The following TRIM58 variants were observed in gnomAD, a reference collection of about 807,000 sequenced individuals.
TRIM58 encodes tripartite motif containing 58.
Under a neutral mutation model 34.1 loss-of-function variants are expected in TRIM58, and 38 were observed. That is an observed-to-expected ratio of 1.12 (90% CI 0.86 to 1.46). TRIM58 has a LOEUF of 1.46. Ranked by LOEUF, TRIM58 falls within the 40% of genes most tolerant of loss-of-function variation. The pLI is 0.00. For synonymous variants in TRIM58, 273 were observed against 275.7 expected, an observed-to-expected ratio of 0.99 and a Z score of 0.10; for missense variants, 677 against 642.0, an observed-to-expected ratio of 1.05 and a Z score of -0.59.
At chr1:247,867,740 T>C in intron 3 of TRIM58, 105 bp from the exon 4 acceptor site, 1 of 1,247,008 alleles carries the variant, frequency 8.0e-7, no homozygotes. Context: ...TTTATCTCAA[T>C]AATGTTTTGC....
intron 1 of TRIM58, 131 bp downstream of exon 1, chr1:247,857,797 C>G: frequency 1.7e-6 from 2 of 1,143,792 alleles, no homozygotes; most frequent in East Asian, 7.5e-5. Context: ...CGCGCGCCGT[C>G]CCCCCCGCCC....
chr1:247,868,961 G>A (rs12562065), intron 5 of TRIM58, among the ~76,000 whole-genome samples: 64,469 of 151,820 alleles, frequency 0.42, 14,371 homozygotes, highest in African/African-American at 0.56. Flanking sequence ...GTGCAGTGGC[G>A]CCATCTCAGC....
intron 1 of TRIM58, 79 bp downstream of exon 1, chr1:247,857,745 G>T (rs1418344714): frequency 8.4e-7 from 1 of 1,197,312 alleles, no homozygotes; most frequent in African/African-American, 1.6e-5. Context: ...AGCCGCCGAG[G>T]CCACCCGTCT....
In TRIM58 at chr1:247,860,729, G is replaced by T. The variant is rs745424454; in HGVS notation, c.516+17G>T. 3.8e-6 allele frequency: 6 copies of T among 1,572,450 alleles called. No individual in the cohort carries two copies. The South Asian group carries it at 5.6e-5, about 15-fold the overall frequency. On this transcript the variant is annotated intron_variant, in intron 2 of 5. Transcript: ENST00000366481. The stretch of plus-strand genomic sequence containing the variant: ...ATTTGGAAGGTAAGACCATGTTGGG[G>T]CTTTAGGAGGCTTGCCTGTTTGAAG...
At chr1:247,862,314 A>G (rs557739412) in intron 2 of TRIM58, among the ~76,000 whole-genome samples, 9 of 152,232 alleles carry the variant, frequency 5.9e-5, no homozygotes, top group Non-Finnish European at 1.0e-4. Context: ...AAACTTATCA[A>G]TATTATTAAC....
At position 247,864,929 on chromosome 1, in the gene TRIM58, G is replaced by T; in HGVS notation, c.741G>T (p.Leu247=). 1 of 1,572,272 alleles carries T rather than the reference G, an allele frequency of 6.4e-7. No homozygotes were observed. Among genetic ancestry groups the T allele is most frequent in the Non-Finnish European group, 8.6e-7 (1 of 1,158,836 alleles). ...GGTGCCAGCGCCCGGCCCTGGGTCT[G>T]CTGGAGGTGAGGCCGGGTGCCAGAA... The part of the protein sequence containing the change: ...QERCQRPALG[L]LEGVRGVLSR... The change falls in exon 3 of 6, where the codon CTG becomes CTT. Residue 247 remains leucine (L), a synonymous_variant. Coordinates refer to ENST00000366481, the MANE Select transcript of TRIM58 (RefSeq NM_015431.4).
intron 5 of TRIM58, among the ~76,000 whole-genome samples, chr1:247,869,376 G>A (rs1664007624): frequency 6.6e-6 from 1 of 152,128 alleles, no homozygotes; most frequent in South Asian, 2.1e-4. Context: ...TGGTTCCCCT[G>A]GCAACCACAC....
Position 247,873,640 on chromosome 1 carries a change from C to T in TRIM58, c.872-2260C>T, listed in dbSNP as rs998778145. Among the ~76,000 whole-genome samples the T allele has an allele frequency of 1.5e-4, 23 of 152,140 alleles. No homozygotes were observed. In the South Asian group the frequency reaches 1.7e-3, roughly 11 times the overall value. ...GTTACATAATAAAAATAATGCAATG[C>T]GCAGTTACGTGACCACTCAGGTTGG... On this transcript the variant is annotated intron_variant, in intron 5 of 5. Coordinates refer to ENST00000366481, the MANE Select transcript of TRIM58 (RefSeq NM_015431.4).
intron 5 of TRIM58, among the ~76,000 whole-genome samples, chr1:247,874,978 C>T (rs1480579144): frequency 1.3e-5 from 2 of 152,178 alleles, no homozygotes; most frequent in Non-Finnish European, 2.9e-5. Context: ...AGATCACTCT[C>T]AGCTCTAGAG....
intron 3 of TRIM58, among the ~76,000 whole-genome samples, chr1:247,866,279 C>T (rs1483363216): frequency 3.9e-5 from 6 of 152,020 alleles, no homozygotes; most frequent in Non-Finnish European, 7.4e-5. Flanking sequence ...TTGGCTCAAG[C>T]GATTCTCCTG....
At chr1:247,869,307 A>G (rs909019861) in intron 5 of TRIM58, among the ~76,000 whole-genome samples, 3 of 151,908 alleles carry the variant, frequency 2.0e-5, no homozygotes, top group African/African-American at 7.2e-5. Context: ...CTCCCTCTTC[A>G]GAGGTGGGGG....
intron 2 of TRIM58, among the ~76,000 whole-genome samples, chr1:247,863,587 C>T (rs1572571624): frequency 6.6e-6 from 1 of 151,392 alleles, no homozygotes; most frequent in African/African-American, 2.4e-5. Context: ...CCTACAAGGC[C>T]GTATAACAAT....
chr1:247,862,818 T>C (rs1663824975), intron 2 of TRIM58, among the ~76,000 whole-genome samples: 1 of 152,214 alleles, frequency 6.6e-6, no homozygotes, highest in Admixed American at 6.5e-5. Flanking sequence ...TTCTAAATAC[T>C]GCAAAACCAC....
At chr1:247,867,038 A>G (rs550520123) in intron 3 of TRIM58, among the ~76,000 whole-genome samples, 123 of 152,260 alleles carry the variant, frequency 8.1e-4, no homozygotes, top group African/African-American at 2.9e-3. Context: ...TGTATCACAG[A>G]TATATTTATT....
chr1:247,862,661 G>T (rs1663820037), intron 2 of TRIM58, among the ~76,000 whole-genome samples: 1 of 152,138 alleles, frequency 6.6e-6, no homozygotes, highest in Non-Finnish European at 1.5e-5. Flanking sequence ...CTGAGTTCCT[G>T]CATGTTTTAA....
At chr1:247,861,236 TACAC>T (rs140373603) in intron 2 of TRIM58, among the ~76,000 whole-genome samples, 13 of 151,812 alleles carry the variant, frequency 8.6e-5, no homozygotes, top group Admixed American at 3.3e-4. Flanking sequence ...TGCACACGTG[TACAC>T]ACACACACAG....
chr1:247,864,390 C>G (rs891890616), intron 2 of TRIM58, among the ~76,000 whole-genome samples: 2 of 152,136 alleles, frequency 1.3e-5, no homozygotes, highest in African/African-American at 4.8e-5. Flanking sequence ...TCAAGCACTC[C>G]TCTTGCCTCG....
rs1472421371 is a variant in TRIM58, at chr1:247,857,627, C to T, written c.381C>T (p.His127=). Residue 127 remains histidine, a synonymous_variant, in exon 1 of 6, where the codon CAC becomes CAT. Transcript: ENST00000366481. ...ACGCCGGCCCCGAGCACAGGACGCA[C>T]CGCACGGCGCCGCTGCAGGAGGCCG... The part of the protein sequence containing the change: ...VCDAGPEHRT[H]RTAPLQEAAG... 2.4e-6 allele frequency: 3 copies of T among 1,241,788 alleles called. No individual in the cohort carries two copies. Among genetic ancestry groups the T allele is most frequent in the East Asian group, 3.3e-5 (1 of 30,698 alleles). 76.9% of individuals were successfully genotyped at this position (1,241,788 alleles called of 1,614,324 possible). A position where few individuals can be genotyped will look rare whatever the true frequency, so the allele number is the denominator to read the frequency against.
rs560806741 is a variant in TRIM58, at chr1:247,869,939, G to T, written c.871+1876G>T. Among the ~76,000 whole-genome samples, 183 of 152,316 alleles carry T rather than the reference G, an allele frequency of 1.2e-3. 2 individuals are homozygous for T. Among genetic ancestry groups the T allele is most frequent in the South Asian group, 5.6e-3 (27 of 4,820 alleles). On this transcript the variant is annotated intron_variant, in intron 5 of 5. Transcript: ENST00000366481. ...GAGGAAAGGGAGATGGGGAGGTGTGGATGATTTTAGGGAGATAGTAAATGA... is the reference window on the plus strand; with the variant it reads ...GAGGAAAGGGAGATGGGGAGGTGTGTATGATTTTAGGGAGATAGTAAATGA...
Sources: allele counts gnomAD v4.1 joint callset (sites outside exome capture counted in the v4.1 genomes callset), GRCh38; gene constraint gnomAD v4.1.1; transcripts MANE v1.5; gene names NCBI Gene and HGNC (gene_info 2026-07-23, HGNC 2026-07-21).